Variants in CROCC2 observed in about 807,000 individuals in gnomAD.
CROCC2 encodes the protein ciliary rootlet coiled-coil, rootletin family member 2, also known as ciliary rootlet coiled-coil protein 2.
Under a neutral mutation model 177.6 loss-of-function variants are expected in CROCC2, and 163 were observed. That is an observed-to-expected ratio of 0.92 (90% confidence interval 0.81 to 1.05). The LOEUF (loss-of-function observed/expected upper bound fraction) is 1.05, where lower values mean the gene tolerates loss of function less well. Among genes scored for constraint, CROCC2 ranks in the 50% least tolerant of loss-of-function variants. The pLI is 0.00. For synonymous variants in CROCC2, 904 were observed against 787.3 expected, an observed-to-expected ratio of 1.15 and a Z score of -2.48; for missense variants, 1,929 against 1,797.8, an observed-to-expected ratio of 1.07 and a Z score of -1.32.
intron 1 of CROCC2, among the ~76,000 whole-genome samples, chr2:240,915,096 C>A (rs1425374863): frequency 6.6e-6 from 1 of 152,220 alleles, no homozygotes; most frequent in African/African-American, 2.4e-5. Context: ...GGCTCCACCC[C>A]ACCCCAGTGG....
intron 14 of CROCC2, among the ~76,000 whole-genome samples, chr2:240,942,109 A>C (rs2059498335): frequency 6.6e-6 from 1 of 152,170 alleles, no homozygotes; most frequent in Non-Finnish European, 1.5e-5. Context: ...TAAATTAATA[A>C]ATTTCTGTTC....
rs1167802687 is a variant in CROCC2 at position 240,920,086 on chromosome 2, C to T, written c.333C>T (p.Ser111=). ...TRLGDLLAQA[S]AERDELASRC... ...TGGGGGACCTGCTGGCCCAGGCCAG[C>T]GCCGAGCGAGATGAGCTGGCCAGCA... The change falls in exon 3 of 32, where the codon AGC becomes AGT. Residue 111 remains serine (S), a synonymous_variant. Coordinates refer to ENST00000690015, the MANE Select transcript of CROCC2 (RefSeq NM_001351305.2). The T allele has an allele frequency of 7.0e-6, 5 of 711,914 alleles. No homozygotes were observed. Among genetic ancestry groups the T allele is most frequent in the South Asian group, 4.5e-5 (3 of 67,144 alleles). 44.1% of individuals were successfully genotyped at this position (711,914 alleles called of 1,614,324 possible). A position where few individuals can be genotyped will look rare whatever the true frequency, so the allele number is the denominator to read the frequency against.
chr2:240,915,453 C>A (rs1408803519), intron 1 of CROCC2, among the ~76,000 whole-genome samples: 2 of 152,232 alleles, frequency 1.3e-5, no homozygotes, highest in African/African-American at 4.8e-5. Flanking sequence ...AGAGCCTCAG[C>A]CCCTGGCCCT....
chr2:240,942,545 T>C (rs1173363842), intron 14 of CROCC2, among the ~76,000 whole-genome samples: 1 of 152,244 alleles, frequency 6.6e-6, no homozygotes, highest in East Asian at 1.9e-4. Context: ...TTTGATTGAA[T>C]GACAGACTTT....
At chr2:240,932,563 G>C in intron 8 of CROCC2, 139 bp from the exon 9 acceptor site, 1 of 689,348 alleles carries the variant, frequency 1.5e-6, no homozygotes, top group Non-Finnish European at 2.7e-6. Flanking sequence ...ACGTCAGGAA[G>C]GTGTGGCCCC....
At chr2:240,942,003 G>C (rs1197765700) in intron 14 of CROCC2, among the ~76,000 whole-genome samples, 1 of 152,226 alleles carries the variant, frequency 6.6e-6, no homozygotes, top group Admixed American at 6.5e-5. Flanking sequence ...GCAGCATCAA[G>C]GCACAGCCTT....
rs963852703 is a variant in CROCC2 at position 240,958,032 on chromosome 2, G to A, written c.2944-1269G>A. ...CTGGCCCTGAGTCTCCCCCGGACTC[G>A]GTACCAGGCCTGCCAGCCAGCCGGC... On this transcript the variant is annotated intron_variant, in intron 19 of 31. Transcript: ENST00000690015. The surrounding 1 kb of genome is among the most constrained non-coding windows in gnomAD (Gnocchi z 6.7). 173 of 985,250 alleles carry A rather than the reference G, an allele frequency of 1.8e-4. No homozygotes were observed. The Admixed American group carries it at 2.5e-3, about 14-fold the overall frequency. The allele number at this position is 985,250 out of a possible 1,614,324, so 61.0% of individuals were successfully genotyped here.
chr2:240,986,658 G>T (rs1186390817), intron 28 of CROCC2, among the ~76,000 whole-genome samples: 1 of 152,188 alleles, frequency 6.6e-6, no homozygotes, highest in African/African-American at 2.4e-5. Flanking sequence ...GGAAGGGCAG[G>T]TGTCTTTGGA....
At chr2:240,910,799 T>C (rs1574740195) in intron 1 of CROCC2, among the ~76,000 whole-genome samples, 1 of 152,262 alleles carries the variant, frequency 6.6e-6, no homozygotes, top group African/African-American at 2.4e-5. Flanking sequence ...TCTGGAAATA[T>C]GTGCTTGACT....
At chr2:240,922,936 C>T (rs1281737849) in intron 4 of CROCC2, among the ~76,000 whole-genome samples, 1 of 152,102 alleles carries the variant, frequency 6.6e-6, no homozygotes, top group African/African-American at 2.4e-5. Context: ...AACAGTGAAA[C>T]ACTCAGCCTC....
intron 20 of CROCC2, among the ~76,000 whole-genome samples, chr2:240,962,479 C>G (rs1038892254): frequency 6.6e-6 from 1 of 152,090 alleles, no homozygotes; most frequent in Non-Finnish European, 1.5e-5. Flanking sequence ...ATGGCTCCCA[C>G]GTGTGGGGGT....
At position 240,960,713 on chromosome 2, in the gene CROCC2, G is replaced by C. The variant is rs74001713; in HGVS notation, c.3087+1269G>C. Among the ~76,000 whole-genome samples, 1 of 152,118 alleles carries C rather than the reference G, an allele frequency of 6.6e-6. No individual in the cohort carries two copies. Among genetic ancestry groups the C allele is most frequent in the Admixed American group, 6.5e-5 (1 of 15,290 alleles). ...CCACGCCCCAGAGGCCGGGCCGGCC[G>C]GCAGGGGAGAGTGAGAAGAGGGGCT... On this transcript the variant is annotated intron_variant, in intron 20 of 31. Transcript: ENST00000690015. The surrounding 1 kb of genome is among the most constrained non-coding windows in gnomAD (Gnocchi z 5.0).
Position 240,918,592 on chromosome 2 carries a change from T to C in CROCC2, c.79-134T>C, listed in dbSNP as rs953130017. ...ATGCGCCTGAGTGACCTGCCCAGCCTCACCCTGTCCTCTCCAGGGCACTCT... is the reference window on the plus strand; with the variant it reads ...ATGCGCCTGAGTGACCTGCCCAGCCCCACCCTGTCCTCTCCAGGGCACTCT... On this transcript the variant is annotated intron_variant, in intron 1 of 31. Transcript: ENST00000690015. The surrounding 1 kb of genome is among the most constrained non-coding windows in gnomAD (Gnocchi z 6.3). 2.3e-6 allele frequency: 1 copy of C among 441,142 alleles called. No homozygotes were observed. Among genetic ancestry groups the C allele is most frequent in the Non-Finnish European group, 4.0e-6 (1 of 251,208 alleles). 27.3% of individuals were successfully genotyped at this position (441,142 alleles called of 1,614,324 possible). A position where few individuals can be genotyped will look rare whatever the true frequency, so the allele number is the denominator to read the frequency against.
At chr2:240,946,764 G>C (rs2059526987) in intron 15 of CROCC2, among the ~76,000 whole-genome samples, 4 of 152,222 alleles carry the variant, frequency 2.6e-5, no homozygotes, top group Non-Finnish European at 5.9e-5. Context: ...CAAGGCCTGA[G>C]AGCGGCTGCC....
intron 14 of CROCC2, among the ~76,000 whole-genome samples, chr2:240,945,510 GCCCAAACT>G (rs1162266325): frequency 6.6e-6 from 1 of 152,040 alleles, no homozygotes; most frequent in Non-Finnish European, 1.5e-5. Flanking sequence ...CAATTTTTCA[GCCCAAACT>G]CTTAAATGAG....
intron 28 of CROCC2, chr2:240,983,433 G>A (rs1270210737): frequency 3.9e-6 from 5 of 1,274,232 alleles, no homozygotes; most frequent in Non-Finnish European, 5.1e-6. Flanking sequence ...CAGGTGCTCT[G>A]CAGGCCGCAG....
Position 240,967,480 on chromosome 2 carries a change from C to T in CROCC2, c.4267+15C>T. The T allele has an allele frequency of 3.2e-6, 5 of 1,543,438 alleles. No individual in the cohort carries two copies. The highest frequency in any genetic ancestry group is 1.2e-5 in the South Asian group (1 of 83,876). The stretch of plus-strand genomic sequence containing the variant: ...GGCGGAAGAAGGTGACCTCCCTTGC[C>T]CTGCCCCGCCCACCCTGGGAGTGGC... On this transcript the variant is annotated intron_variant, in intron 26 of 31. Coordinates refer to ENST00000690015, the MANE Select transcript of CROCC2 (RefSeq NM_001351305.2).
chr2:240,966,082 G>A, intron 24 of CROCC2, 89 bp downstream of exon 24: 1 of 1,281,960 alleles, frequency 7.8e-7, no homozygotes, highest in South Asian at 3.1e-5. Context: ...AACTCACACA[G>A]TGAGGGACTC....
chr2:240,990,506 C>T (rs1314468486), intron 30 of CROCC2, among the ~76,000 whole-genome samples: 1 of 152,218 alleles, frequency 6.6e-6, no homozygotes, highest in East Asian at 1.9e-4. Context: ...GGTCCCCAAC[C>T]ACCAAGGCAC....
Sources: gnomAD v4.1 joint callset for allele counts (sites outside exome capture counted in the v4.1 genomes callset) on GRCh38, gnomAD v4.1.1 for gene constraint, Gnocchi (gnomAD v3.1) non-coding constraint, MANE v1.5 for transcripts, NCBI Gene and HGNC (gene_info 2026-07-23, HGNC 2026-07-21) for gene names.